Variants in NUP153 observed in about 807,000 individuals in gnomAD.
The protein encoded by NUP153 is nuclear pore complex protein Nup153.
A neutral mutation model predicts 134.6 loss-of-function variants in NUP153; 27 were observed. That is an observed-to-expected ratio of 0.20 (90% CI 0.15 to 0.28). The LOEUF (loss-of-function observed/expected upper bound fraction) is 0.28. Ranked by LOEUF, NUP153 falls within the 10% of genes least tolerant of loss-of-function variation. The pLI is 1.00. For synonymous variants in NUP153, 640 were observed against 623.5 expected, an observed-to-expected ratio of 1.03 and a Z score of -0.40; for missense variants, 1,821 against 1,731.3, an observed-to-expected ratio of 1.05 and a Z score of -0.92.
chr6:17,615,859 G>A lies in NUP153; in HGVS notation c.*238C>T, dbSNP rs959842146. 4.3e-6 allele frequency: 2 copies of A among 462,012 alleles called. No individual in the cohort carries two copies. The highest frequency in any genetic ancestry group is 3.4e-5 in the South Asian group (1 of 29,406). 28.6% of individuals were successfully genotyped at this position (462,012 alleles called of 1,614,324 possible). A position where few individuals can be genotyped will look rare whatever the true frequency, so the allele number is the denominator to read the frequency against. Reference sequence around the variant, plus strand: ...ATGTCAAATCAGTGAATAATCTGCTGGATCATAAAATATTTTTGCTGAAGA... The same window carrying A: ...ATGTCAAATCAGTGAATAATCTGCTAGATCATAAAATATTTTTGCTGAAGA... On this transcript the variant is annotated 3_prime_UTR_variant, in exon 22 of 22. Transcript: ENST00000262077. This position sits in a 1 kb window ranked among gnomAD's most constrained non-coding sequence, Gnocchi z 5.7.
In NUP153 at chr6:17,680,933, T is replaced by C. The variant is rs975106047; in HGVS notation, c.335-5163A>G. On this transcript the variant is annotated intron_variant, in intron 2 of 21. Coordinates refer to ENST00000262077, the MANE Select transcript of NUP153 (RefSeq NM_005124.4). This position sits in a 1 kb window ranked among gnomAD's most constrained non-coding sequence, Gnocchi z 4.5. Reference sequence around the variant, plus strand: ...CAACAATCCCACTGCTGGGTATATATCCAAGTTAAAGGAAACTAGTATATC... The same window carrying C: ...CAACAATCCCACTGCTGGGTATATACCCAAGTTAAAGGAAACTAGTATATC... Among the ~76,000 whole-genome samples the C allele has an allele frequency of 2.0e-5, 3 of 152,070 alleles. No individual in the cohort carries two copies. Among genetic ancestry groups the C allele is most frequent in the Admixed American group, 2.0e-4 (3 of 15,258 alleles).
Position 17,675,309 on chromosome 6 carries a change from A to C in NUP153, c.643T>G (p.Ser215Ala). ...GCAGTGTGCTGTGAGAGTGAGTGAG[A>C]ACGTTCAGCTTCTGGGGACCACAGA... Reference protein sequence around the residue: ...PPLWSPEAERSHSLSQHTATS... With the variant: ...PPLWSPEAERAHSLSQHTATS... Residue 215 changes from serine (S) to alanine (A), a missense_variant, in exon 4 of 22, where the codon TCT becomes GCT. Coordinates refer to ENST00000262077, the MANE Select transcript of NUP153 (RefSeq NM_005124.4). The surrounding 1 kb of genome is among the most constrained non-coding windows in gnomAD (Gnocchi z 4.4). 6.2e-7 allele frequency: 1 copy of C among 1,614,168 alleles called. No homozygotes were observed. The highest frequency in any genetic ancestry group is 8.5e-7 in the Non-Finnish European group (1 of 1,179,996).
chr6:17,700,053 T>C (rs1479786661), intron 1 of NUP153, among the ~76,000 whole-genome samples: 1 of 152,104 alleles, frequency 6.6e-6, no homozygotes, highest in Non-Finnish European at 1.5e-5. Flanking sequence ...AACAATTTAA[T>C]ACATGCAAGT....
chr6:17,665,830 G>A (rs148674375), intron 8 of NUP153, among the ~76,000 whole-genome samples: 8 of 151,630 alleles, frequency 5.3e-5, no homozygotes, highest in African/African-American at 1.7e-4. Context: ...GTACACAGGC[G>A]TGCGCCACCA....
intron 2 of NUP153, among the ~76,000 whole-genome samples, chr6:17,682,945 CTT>C (rs1363824101): frequency 7.0e-6 from 1 of 142,110 alleles, no homozygotes; most frequent in Admixed American, 7.1e-5. Flanking sequence ...AAAAAAAACA[CTT>C]TCTTTGCGCA....
Position 17,669,559 on chromosome 6 carries a change from C to A in NUP153, c.853-13G>T, listed in dbSNP as rs760676848. On this transcript the variant is annotated splice_polypyrimidine_tract_variant and intron_variant, in intron 5 of 21. Transcript: ENST00000262077. ...TTCTAACTGGTGCCTGTAAAGTAAA[C>A]CCTATATTATTTGTTGCAACATAAA... 4 of 1,527,268 alleles carry A rather than the reference C, an allele frequency of 2.6e-6. No homozygotes were observed. The highest frequency in any genetic ancestry group is 1.7e-5 in the Admixed American group (1 of 59,804). The allele number at this position is 1,527,268 out of a possible 1,614,324, so 94.6% of individuals were successfully genotyped here.
At chr6:17,667,266 C>T (rs1359990964) in intron 8 of NUP153, among the ~76,000 whole-genome samples, 6 of 152,146 alleles carry the variant, frequency 3.9e-5, no homozygotes, top group Admixed American at 2.6e-4. Context: ...AGAAGCAACA[C>T]TCTTCCAATA....
In NUP153 at chr6:17,662,002, T is replaced by G. The variant is rs763426217; in HGVS notation, c.1268+16A>C. 1.0e-5 allele frequency: 16 copies of G among 1,566,502 alleles called. No individual in the cohort carries two copies. The Admixed American group carries it at 2.7e-4, about 26-fold the overall frequency. ...TTAAATATAAAGAAGTATAGCTGTATAAGAAATGACAGTACCTTTCTCGTT... is the reference window on the plus strand; with the variant it reads ...TTAAATATAAAGAAGTATAGCTGTAGAAGAAATGACAGTACCTTTCTCGTT... On this transcript the variant is annotated intron_variant, in intron 10 of 21. Transcript: ENST00000262077.
intron 14 of NUP153, among the ~76,000 whole-genome samples, chr6:17,640,320 T>G (rs1331563574): frequency 2.0e-5 from 3 of 152,182 alleles, no homozygotes; most frequent in Admixed American, 6.5e-5. Flanking sequence ...TATCGTCCAA[T>G]TAACTGACTG....
chr6:17,671,570 A>T (rs937628210), intron 5 of NUP153, among the ~76,000 whole-genome samples: 3 of 152,218 alleles, frequency 2.0e-5, no homozygotes, highest in Non-Finnish European at 2.9e-5. Context: ...TATGTTCGAG[A>T]TCTGTATGCT....
In NUP153 at chr6:17,626,078, T is replaced by C; in HGVS notation, c.3631A>G (p.Ile1211Val). Residue 1211 changes from isoleucine to valine, a missense_variant, in exon 19 of 22, where the codon ATA (isoleucine) becomes GTA (valine). Transcript: ENST00000262077. The stretch of plus-strand genomic sequence containing the variant: ...GAGGAAGAGGTGGAACTACCAAATA[T>C]GCCACCACCAGCAGAAGTGGCTGGT... ...STPATSAGGG[I>V]FGSSTSSSNP... 4.3e-6 allele frequency: 7 copies of C among 1,614,016 alleles called. No homozygotes were observed. The highest frequency in any genetic ancestry group is 5.9e-6 in the Non-Finnish European group (7 of 1,180,024).
chr6:17,659,165 A>T, intron 11 of NUP153, among the ~76,000 whole-genome samples: 1 of 152,260 alleles, frequency 6.6e-6, no homozygotes, highest in Admixed American at 6.5e-5. Context: ...CCAACTGACT[A>T]TCACTTCTTC....
In NUP153 at chr6:17,688,111, C is replaced by CAAAAAA. The variant is rs1769049202; in HGVS notation, c.334+284_334+285insTTTTTT. 4.0e-5 allele frequency among the ~76,000 whole-genome samples: 6 copies of CAAAAAA among 151,854 alleles called. No homozygotes were observed. In the East Asian group the frequency reaches 9.7e-4, roughly 25 times the overall value. ...CCAGCCTGGGCCACAGAGCGAGACT[C>CAAAAAA]CGTCTCAAAAAACAAAAAAAAGAAA... On this transcript the variant is annotated intron_variant, in intron 2 of 21. Coordinates refer to ENST00000262077, the MANE Select transcript of NUP153 (RefSeq NM_005124.4).
chr6:17,651,009 G>C (rs1050118548), intron 11 of NUP153, among the ~76,000 whole-genome samples: 1 of 152,126 alleles, frequency 6.6e-6, no homozygotes. Context: ...AAAAGAGGGA[G>C]AGTTAAAAAT....
intron 11 of NUP153, among the ~76,000 whole-genome samples, chr6:17,651,676 G>A (rs2876454): frequency 0.072 from 10,894 of 152,018 alleles, 486 homozygotes; most frequent in Admixed American, 0.11. Context: ...TAGATTTCAA[G>A]ACAAAAAATA....
chr6:17,645,214 G>A (rs1033659414), intron 14 of NUP153, among the ~76,000 whole-genome samples: 11 of 147,760 alleles, frequency 7.4e-5, no homozygotes, highest in Admixed American at 2.7e-4. Flanking sequence ...TTGCACTCCA[G>A]CCTGGGCAAC....
At position 17,706,503 on chromosome 6, in the gene NUP153, C is replaced by G; in HGVS notation, c.-116G>C. 1 of 725,194 alleles carries G rather than the reference C, an allele frequency of 1.4e-6. No individual in the cohort carries two copies. The highest frequency in any genetic ancestry group is 2.2e-6 in the Non-Finnish European group (1 of 446,278). The allele number at this position is 725,194 out of a possible 1,614,324, so 44.9% of individuals were successfully genotyped here. ...GCCCCGGCCCAAAAGTCCGCCCGCG[C>G]TGTCCACACAGTGGGCACAAGCACC... On this transcript the variant is annotated 5_prime_UTR_variant, in exon 1 of 22. Transcript: ENST00000262077. This position sits in a 1 kb window ranked among gnomAD's most constrained non-coding sequence, Gnocchi z 5.9.
intron 14 of NUP153, among the ~76,000 whole-genome samples, chr6:17,644,454 A>C (rs1257170223): frequency 6.6e-6 from 1 of 152,236 alleles, no homozygotes; most frequent in African/African-American, 2.4e-5. Context: ...TAGGATTTAA[A>C]GCTACCTCTC....
chr6:17,657,455 T>G (rs1222741672), intron 11 of NUP153, among the ~76,000 whole-genome samples: 1 of 151,006 alleles, frequency 6.6e-6, no homozygotes, highest in Non-Finnish European at 1.5e-5. Flanking sequence ...TCCCAGCTAC[T>G]TGGGAGGCTG....
Sources: allele counts gnomAD v4.1 joint callset (sites outside exome capture counted in the v4.1 genomes callset), GRCh38; gene constraint gnomAD v4.1.1; non-coding constraint Gnocchi (gnomAD v3.1); transcripts MANE v1.5; gene names NCBI Gene and HGNC (gene_info 2026-07-23, HGNC 2026-07-21).